Variants in CPLANE1 observed in about 807,000 individuals in gnomAD.
CPLANE1 encodes the protein ciliogenesis and planar polarity effector complex subunit 1, also known as ciliogenesis and planar polarity effector 1.
A neutral mutation model predicts 362.5 loss-of-function variants in CPLANE1; 263 were observed. That is an observed-to-expected ratio of 0.73 (90% CI 0.66 to 0.80). CPLANE1 has a LOEUF of 0.80. CPLANE1 is among the 30% of genes least tolerant of loss of function. CPLANE1 has a pLI of 0.00. For synonymous variants in CPLANE1, 1,212 were observed against 1,302.6 expected, an observed-to-expected ratio of 0.93 and a Z score of 1.50; for missense variants, 3,461 against 3,793.4, an observed-to-expected ratio of 0.91 and a Z score of 2.30.
At chr5:37,140,313 T>C in intron 44 of CPLANE1, 2 of 974,634 alleles carry the variant, frequency 2.1e-6, no homozygotes, top group Non-Finnish European at 2.4e-6. Flanking sequence ...ATTCACATGG[T>C]TTTAATATGA....
intron 51 of CPLANE1, among the ~76,000 whole-genome samples, chr5:37,108,793 C>T (rs1038833326): frequency 4.6e-5 from 7 of 152,192 alleles, no homozygotes; most frequent in African/African-American, 1.7e-4. Flanking sequence ...AACTCTGAGA[C>T]CTGGGCCTTC....
At chr5:37,244,150 T>C (rs1265016578) in intron 5 of CPLANE1, among the ~76,000 whole-genome samples, 2 of 152,286 alleles carry the variant, frequency 1.3e-5, no homozygotes, top group East Asian at 3.9e-4. Context: ...GCGCCCGGCA[T>C]AACAAGCTAT....
rs1332636319 is a variant in CPLANE1 at position 37,107,665 on chromosome 5, G to T, written c.9693C>A (p.Ile3231=). The change falls in exon 53 of 53, where the codon ATC becomes ATA. Residue 3231 remains isoleucine (I), a synonymous_variant. Transcript: ENST00000651892. ...SILSKLDWNA[I]EDMVASVEDQ... is the part of the protein sequence containing the mutation. The stretch of plus-strand genomic sequence containing the variant: ...CCTCCACGCTGGCCACCATGTCTTC[G>T]ATGGCATTCCAGTCCAGCTTGCTGA... 6.2e-7 allele frequency: 1 copy of T among 1,611,272 alleles called. No homozygotes were observed. The highest frequency in any genetic ancestry group is 8.5e-7 in the Non-Finnish European group (1 of 1,179,046).
the CPLANE1 span, among the ~76,000 whole-genome samples, chr5:37,087,179 G>A: frequency 6.6e-6 from 1 of 152,132 alleles, no homozygotes; most frequent in Non-Finnish European, 1.5e-5. Flanking sequence ...GCTAGATGTA[G>A]AATGCTGGGA....
Position 37,183,313 on chromosome 5 carries a change from G to A in CPLANE1, c.4868C>T (p.Pro1623Leu), listed in dbSNP as rs377517560. The change falls in exon 26 of 53, where the codon CCT becomes CTT. Residue 1623 changes from proline to leucine, a missense_variant. By Grantham distance (98) the Pro-to-Leu change is moderately conservative. This residue lies in a region of CPLANE1 where 3,380 missense variants were observed against 3,666.1 expected (regional missense o/e 0.92). Transcript: ENST00000651892. ...FRAGSCFVVA[P>L]ESYESEKSSS... ...TGATTTTTCTGATTCATAGGACTCA[G>A]GAGCAACAACAAAGCAAGAACCAGC... is the stretch of plus-strand genomic sequence containing the variant. 6.2e-7 allele frequency: 1 copy of A among 1,613,128 alleles called. No individual in the cohort carries two copies. The highest frequency in any genetic ancestry group is 8.5e-7 in the Non-Finnish European group (1 of 1,179,760).
At chr5:37,181,907 A>G (rs191934514) in intron 26 of CPLANE1, among the ~76,000 whole-genome samples, 2 of 152,136 alleles carry the variant, frequency 1.3e-5, no homozygotes, top group African/African-American at 2.4e-5. Context: ...CCTAGCCAAT[A>G]TGATGAAACC....
At chr5:37,181,953 G>A (rs1423870303) in intron 26 of CPLANE1, among the ~76,000 whole-genome samples, 2 of 151,784 alleles carry the variant, frequency 1.3e-5, no homozygotes, top group Admixed American at 6.6e-5. Context: ...TTAGTCAGGC[G>A]TGGTGGCGCG....
chr5:37,148,620 A>G (rs1238019703), intron 42 of CPLANE1, among the ~76,000 whole-genome samples: 2 of 152,252 alleles, frequency 1.3e-5, no homozygotes, highest in South Asian at 2.1e-4. Flanking sequence ...CAGGTCTTCA[A>G]GACTATTTAC....
Position 37,180,180 on chromosome 5 carries a change from T to C in CPLANE1, c.5574A>G (p.Arg1858=). The change falls in exon 28 of 53, where the codon AGA becomes AGG. Residue 1858 remains arginine, a synonymous_variant. Coordinates refer to ENST00000651892, the MANE Select transcript of CPLANE1 (RefSeq NM_001384732.1). ...CAGGATTTTTTGCTTCAGTTGGCATTCTACTGAAAAAAATGCAGCAACTAA... is the reference window on the plus strand; with the variant it reads ...CAGGATTTTTTGCTTCAGTTGGCATCCTACTGAAAAAAATGCAGCAACTAA... The part of the protein sequence containing the change: ...QNKSCQNILN[R]MPTEAKNPDI... 6.8e-7 allele frequency: 1 copy of C among 1,469,984 alleles called. No homozygotes were observed. Among genetic ancestry groups the C allele is most frequent in the South Asian group, 1.5e-5 (1 of 68,382 alleles). The allele number at this position is 1,469,984 out of a possible 1,614,324, so 91.1% of individuals were successfully genotyped here. A position where few individuals can be genotyped will look rare whatever the true frequency, so the allele number is the denominator to read the frequency against.
At chr5:37,221,987 A>G in intron 14 of CPLANE1, among the ~76,000 whole-genome samples, 2 of 152,108 alleles carry the variant, frequency 1.3e-5, no homozygotes, top group Non-Finnish European at 1.5e-5. Flanking sequence ...AAAAAACTCC[A>G]AGGAACCATA....
At chr5:37,088,112 C>T in the CPLANE1 span, among the ~76,000 whole-genome samples, 5 of 152,142 alleles carry the variant, frequency 3.3e-5, no homozygotes, top group Non-Finnish European at 7.3e-5. Context: ...ACGGAATTCC[C>T]AAAAGTGGAG....
intron 50 of CPLANE1, among the ~76,000 whole-genome samples, chr5:37,119,231 C>T (rs1020008411): frequency 1.3e-5 from 2 of 152,280 alleles, no homozygotes; most frequent in South Asian, 4.1e-4. Context: ...AGCTTCTTAG[C>T]ATTCCTATTC....
chr5:37,184,614 AG>A (rs1280690015), intron 25 of CPLANE1, among the ~76,000 whole-genome samples, 173 bp downstream of exon 25: 1 of 152,132 alleles, frequency 6.6e-6, no homozygotes, highest in African/African-American at 2.4e-5. Context: ...TCGAATGTAT[AG>A]TCTCATTTTA....
chr5:37,213,381 G>A (rs1435143121), intron 16 of CPLANE1, among the ~76,000 whole-genome samples, 178 bp downstream of exon 16: 6 of 152,094 alleles, frequency 3.9e-5, no homozygotes, highest in Admixed American at 6.5e-5. Flanking sequence ...CAGTAAAAAC[G>A]AATCTAAGCC....
At chr5:37,113,761 T>C (rs1760060928) in intron 51 of CPLANE1, among the ~76,000 whole-genome samples, 1 of 152,222 alleles carries the variant, frequency 6.6e-6, no homozygotes, top group Non-Finnish European at 1.5e-5. Flanking sequence ...CCTAGGCTAA[T>C]TACTTCATAT....
intron 46 of CPLANE1, among the ~76,000 whole-genome samples, chr5:37,126,941 T>C (rs1260337928): frequency 6.6e-6 from 1 of 152,126 alleles, no homozygotes; most frequent in Non-Finnish European, 1.5e-5. Flanking sequence ...ACAAACAATA[T>C]AGTTTATTCT....
chr5:37,187,479 T>TA lies in CPLANE1; in HGVS notation c.4014dup (p.Asn1339Ter), dbSNP rs777440487. ...ATATCCTGAATAAGTTCTTCCATAT[T>TA]AAAAAACCGAGAGAAAGGCAGCATT... On this transcript the variant is annotated frameshift_variant, in exon 23 of 53. Transcript: ENST00000651892. The TA allele has an allele frequency of 6.2e-7, 1 of 1,613,780 alleles. No homozygotes were observed. The highest frequency in any genetic ancestry group is 8.5e-7 in the Non-Finnish European group (1 of 1,179,764).
intron 20 of CPLANE1, among the ~76,000 whole-genome samples, chr5:37,196,263 C>G (rs1787403670): frequency 6.6e-6 from 1 of 151,686 alleles, no homozygotes; most frequent in African/African-American, 2.4e-5. Context: ...GCTATTTTTC[C>G]CTGGCTTTCC....
In CPLANE1 at chr5:37,209,783, T is replaced by C. The variant is rs1792060866; in HGVS notation, c.2921-3358A>G. On this transcript the variant is annotated intron_variant, in intron 16 of 52. Coordinates refer to ENST00000651892, the MANE Select transcript of CPLANE1 (RefSeq NM_001384732.1). This position sits in a 1 kb window ranked among gnomAD's most constrained non-coding sequence, Gnocchi z 4.6. ...ATAAAGAAAACCAAAAAGGTTTTCT[T>C]ATGCATTTTTTAAAAGGATTGGCAG... is the stretch of plus-strand genomic sequence containing the variant. 3 of 1,302,294 alleles carry C rather than the reference T, an allele frequency of 2.3e-6. No individual in the cohort carries two copies. The highest frequency in any genetic ancestry group is 2.4e-5 in the South Asian group (2 of 84,614). The allele number at this position is 1,302,294 out of a possible 1,614,324, so 80.7% of individuals were successfully genotyped here. A position where few individuals can be genotyped will look rare whatever the true frequency, so the allele number is the denominator to read the frequency against.
Sources: gnomAD v4.1 joint callset for allele counts (sites outside exome capture counted in the v4.1 genomes callset) on GRCh38, gnomAD v4.1.1 for gene constraint, gnomAD v4.1.1 regional missense constraint, Gnocchi (gnomAD v3.1) non-coding constraint, MANE v1.5 for transcripts, NCBI Gene and HGNC (gene_info 2026-07-23, HGNC 2026-07-21) for gene names.